The following ST6GAL1 variants were observed in gnomAD, a reference collection of about 807,000 sequenced individuals.
The protein encoded by ST6GAL1 is ST6 beta-galactoside alpha-2,6-sialyltransferase 1, also known as beta-galactoside alpha-2,6-sialyltransferase 1.
ST6GAL1 carries 20 observed loss-of-function variants against 38.0 expected under a neutral mutation model. The ratio of observed to expected loss-of-function variants is 0.53; its 90% confidence interval spans 0.37 to 0.77. The LOEUF (loss-of-function observed/expected upper bound fraction) is 0.77, where lower values mean the gene tolerates loss of function less well. ST6GAL1 is among the 30% of genes least tolerant of loss of function. The pLI is 0.00. For missense variants in ST6GAL1, 432 were observed against 496.4 expected, an observed-to-expected ratio of 0.87 and a Z score of 1.23; for synonymous variants, 196 against 188.2, an observed-to-expected ratio of 1.04 and a Z score of -0.34.
At chr3:186,987,199 G>GAA (rs1233238267) in intron 2 of ST6GAL1, among the ~76,000 whole-genome samples, 8 of 145,260 alleles carry the variant, frequency 5.5e-5, no homozygotes, top group South Asian at 4.5e-4. Flanking sequence ...AGGGAGGGAG[G>GAA]GAAGGAAAGA....
intron 1 of ST6GAL1, among the ~76,000 whole-genome samples, chr3:186,940,030 G>A (rs1041337660): frequency 6.6e-5 from 10 of 152,142 alleles, no homozygotes; most frequent in African/African-American, 2.4e-4. Context: ...TAGGAAAGTC[G>A]ATCCGATTTA....
chr3:187,015,002 G>C (rs1392335171), intron 2 of ST6GAL1, among the ~76,000 whole-genome samples: 2 of 152,158 alleles, frequency 1.3e-5, no homozygotes, highest in Non-Finnish European at 1.5e-5. Context: ...ACGAATAAAA[G>C]GCAGTAGGGA....
In ST6GAL1 at chr3:187,074,281, A is replaced by G. The variant is rs74482649; in HGVS notation, c.927A>G (p.Gln309=). 2.5e-3 allele frequency: 3,980 copies of G among 1,611,008 alleles called. 78 individuals are homozygous for G. The African/African-American group carries it at 0.046, about 19-fold the overall frequency. The change falls in exon 7 of 8, where the codon CAA becomes CAG. Residue 309 remains glutamine (Q), a synonymous_variant. Transcript: ENST00000169298. ...CTTGGGAGCTATGGGACATTCTTCA[A>G]GAAATCTCCCCAGAAGAGATTCAGC... is the stretch of plus-strand genomic sequence containing the variant. ...QMPWELWDIL[Q]EISPEEIQPN...
rs146576766 is a variant in ST6GAL1, at chr3:186,937,879, C to A, written c.-325+7045C>A. ...CCTGAGATCAGGAGTTCGAGACCAG[C>A]CTGGCCAACATGGTGAAACCCTGTC... is the stretch of plus-strand genomic sequence containing the variant. On this transcript the variant is annotated intron_variant, in intron 1 of 7. Transcript: ENST00000169298. Among the ~76,000 whole-genome samples, 378 of 152,232 alleles carry A rather than the reference C, an allele frequency of 2.5e-3. 2 individuals are homozygous for A. Among genetic ancestry groups the A allele is most frequent in the Non-Finnish European group, 4.5e-3 (306 of 68,008 alleles).
intron 2 of ST6GAL1, among the ~76,000 whole-genome samples, chr3:186,971,012 C>T (rs1715328940): frequency 6.6e-6 from 1 of 152,212 alleles, no homozygotes; most frequent in Non-Finnish European, 1.5e-5. Flanking sequence ...TATCACTTTA[C>T]ATGCCCACCA....
intron 2 of ST6GAL1, among the ~76,000 whole-genome samples, chr3:186,983,082 A>G (rs1289573336): frequency 6.6e-6 from 1 of 152,144 alleles, no homozygotes; most frequent in East Asian, 1.9e-4. Context: ...CTTTGTGGGC[A>G]GGAATTGTAG....
intron 4 of ST6GAL1, among the ~76,000 whole-genome samples, chr3:187,050,398 T>C (rs968173265): frequency 6.6e-6 from 1 of 152,156 alleles, no homozygotes; most frequent in Non-Finnish European, 1.5e-5. Context: ...TAGAGAAACT[T>C]TTCCAAGTCT....
At chr3:186,950,039 C>G (rs568614127) in intron 1 of ST6GAL1, among the ~76,000 whole-genome samples, 2 of 152,292 alleles carry the variant, frequency 1.3e-5, no homozygotes, top group East Asian at 1.9e-4. Flanking sequence ...ACAGCCTCTC[C>G]CTGGAGGAGC....
At chr3:186,994,522 T>G (rs531943605) in intron 2 of ST6GAL1, among the ~76,000 whole-genome samples, 63 of 152,298 alleles carry the variant, frequency 4.1e-4, no homozygotes, top group African/African-American at 1.5e-3. Flanking sequence ...GTGGGGGGAC[T>G]TTTTGTTTGT....
chr3:186,985,875 G>A (rs904243060), intron 2 of ST6GAL1, among the ~76,000 whole-genome samples: 56 of 152,190 alleles, frequency 3.7e-4, no homozygotes, highest in Admixed American at 9.2e-4. Context: ...AATCTTCCCC[G>A]TGTATGTGGG....
At chr3:186,997,881 A>G (rs958571066) in intron 2 of ST6GAL1, among the ~76,000 whole-genome samples, 3 of 152,208 alleles carry the variant, frequency 2.0e-5, no homozygotes, top group African/African-American at 7.2e-5. Context: ...AGTGCTATCT[A>G]ATGGAAATAG....
At chr3:186,982,277 C>T (rs1049177937) in intron 2 of ST6GAL1, among the ~76,000 whole-genome samples, 2 of 152,232 alleles carry the variant, frequency 1.3e-5, no homozygotes, top group Non-Finnish European at 1.5e-5. Flanking sequence ...CAAAGGGTGG[C>T]AGATCCCTAC....
chr3:187,006,868 T>A (rs2108556153), intron 2 of ST6GAL1, among the ~76,000 whole-genome samples: 1 of 152,316 alleles, frequency 6.6e-6, no homozygotes, highest in South Asian at 2.1e-4. Context: ...ATCCCTTTCT[T>A]CCCTAATGAG....
intron 4 of ST6GAL1, among the ~76,000 whole-genome samples, chr3:187,046,168 A>G (rs915348224): frequency 6.6e-6 from 1 of 152,196 alleles, no homozygotes; most frequent in Non-Finnish European, 1.5e-5. Flanking sequence ...AGGCTGTGGT[A>G]GCAGTGATGA....
intron 2 of ST6GAL1, among the ~76,000 whole-genome samples, chr3:186,998,997 T>TCCTGGCCTCTCCC (rs1560157089): frequency 1.3e-5 from 2 of 152,236 alleles, no homozygotes; most frequent in African/African-American, 4.8e-5. Context: ...CAGAACTGGA[T>TCCTGGCCTCTCCC]CCTGGCCTCT....
At chr3:187,019,401 C>T (rs1485376433) in intron 2 of ST6GAL1, among the ~76,000 whole-genome samples, 3 of 152,208 alleles carry the variant, frequency 2.0e-5, no homozygotes, top group Admixed American at 6.5e-5. Context: ...CACGTCTTAA[C>T]CATCTTGGCC....
intron 2 of ST6GAL1, among the ~76,000 whole-genome samples, chr3:187,020,508 C>T (rs7622579): frequency 0.01 from 1,539 of 152,228 alleles, 28 homozygotes; most frequent in African/African-American, 0.035. Flanking sequence ...AGGCAGCATC[C>T]GGTGATGCCT....
At chr3:187,048,712 A>G (rs776433127) in intron 4 of ST6GAL1, among the ~76,000 whole-genome samples, 14 of 152,068 alleles carry the variant, frequency 9.2e-5, no homozygotes, top group Non-Finnish European at 1.9e-4. Flanking sequence ...CCTGGCATAG[A>G]GTAGGTGCTC....
At chr3:186,996,210 C>T (rs1267294046) in intron 2 of ST6GAL1, among the ~76,000 whole-genome samples, 1 of 152,168 alleles carries the variant, frequency 6.6e-6, no homozygotes, top group African/African-American at 2.4e-5. Flanking sequence ...GATCTTCACC[C>T]AAGAAACTCT....
Sources: allele counts gnomAD v4.1 joint callset (sites outside exome capture counted in the v4.1 genomes callset), GRCh38; gene constraint gnomAD v4.1.1; transcripts MANE v1.5; gene names NCBI Gene and HGNC (gene_info 2026-07-23, HGNC 2026-07-21).